DNAI3: variants seen among roughly 807,000 people sequenced by gnomAD.
The protein encoded by DNAI3 is WD repeat domain 63.
In DNAI3, 83 loss-of-function variants were observed where a neutral mutation model predicts 115.5. That is an observed-to-expected ratio of 0.72 (90% CI 0.60 to 0.86). DNAI3 has a LOEUF of 0.86. DNAI3 is among the 40% of genes least tolerant of loss of function. DNAI3 has a pLI of 0.00. For missense variants in DNAI3, 1,004 were observed against 1,075.8 expected (o/e 0.93, Z 0.93); for synonymous variants, 320 against 347.0 (o/e 0.92, Z 0.86).
At chr1:85,125,429 C>T (rs1164137718) in intron 19 of DNAI3, among the ~76,000 whole-genome samples, 1 of 151,744 alleles carries the variant, frequency 6.6e-6, no homozygotes, top group Non-Finnish European at 1.5e-5. Flanking sequence ...CTAACATATA[C>T]AAATACTCAA....
At chr1:85,084,791 G>A (rs1654750454) in intron 6 of DNAI3, 96 bp downstream of exon 6, 15 of 1,212,790 alleles carry the variant, frequency 1.2e-5, no homozygotes, top group Non-Finnish European at 1.5e-5. Context: ...GTTTGCTATG[G>A]AGGCATAGTT....
Position 85,084,654 on chromosome 1 carries a change from A to G in DNAI3, c.499A>G (p.Lys167Glu). ...SKPWVSLGSE[K>E]EIEEESVTES... ...ACCATGGGTTTCTTTGGGCAGTGAA[A>G]AAGAAATTGAGGAAGAATCAGTTAC... is the stretch of plus-strand genomic sequence containing the variant. The change falls in exon 6 of 23, where the codon AAA becomes GAA. Residue 167 changes from lysine (K) to glutamate (E), a missense_variant. Lys to Glu is a moderately conservative substitution (Grantham distance 56). This residue lies in a region of DNAI3 where 550 missense variants were observed against 568.1 expected (regional missense o/e 0.97). Coordinates refer to ENST00000294664, the MANE Select transcript of DNAI3 (RefSeq NM_145172.5). The G allele has an allele frequency of 6.4e-7, 1 of 1,557,042 alleles. No homozygotes were observed. The highest frequency in any genetic ancestry group is 1.4e-5 in the African/African-American group (1 of 72,180).
In DNAI3 at chr1:85,131,444, C is replaced by CAAAAAAAAAAAAAAAAAA. The variant is rs750127280; in HGVS notation, c.2532+1334_2532+1351dup. 1.2e-4 allele frequency among the ~76,000 whole-genome samples: 2 copies of CAAAAAAAAAAAAAAAAAA among 16,856 alleles called. 1 individual carries two copies. Among genetic ancestry groups the CAAAAAAAAAAAAAAAAAA allele is most frequent in the African/African-American group, 3.5e-4 (2 of 5,674 alleles). The allele number at this position is 16,856 out of a possible 152,430, so 11.1% of individuals were successfully genotyped here. ...GGGCAACAAGAGCGAAACTCCATCT[C>CAAAAAAAAAAAAAAAAAA]AAAAAAAAAAAAAAAAAAATAAAGC... On this transcript the variant is annotated intron_variant, in intron 22 of 22. Transcript: ENST00000294664.
At chr1:85,091,960 C>G (rs571672215) in intron 8 of DNAI3, among the ~76,000 whole-genome samples, 50 of 152,340 alleles carry the variant, frequency 3.3e-4, no homozygotes, top group Admixed American at 9.8e-4. Context: ...CTTGAGAATT[C>G]CCTTCTCATT....
intron 14 of DNAI3, among the ~76,000 whole-genome samples, chr1:85,107,343 T>C (rs1349767771): frequency 6.6e-6 from 1 of 152,300 alleles, no homozygotes; most frequent in Admixed American, 6.5e-5. Context: ...ATTTATCAAA[T>C]GTACTGATGA....
At position 85,123,994 on chromosome 1, in the gene DNAI3, C is replaced by T. The variant is rs1028260258; in HGVS notation, c.1982-127C>T. 5.1e-6 allele frequency: 6 copies of T among 1,181,512 alleles called. No homozygotes were observed. The African/African-American group carries it at 9.1e-5, about 18-fold the overall frequency. The allele number at this position is 1,181,512 out of a possible 1,614,324, so 73.2% of individuals were successfully genotyped here. On this transcript the variant is annotated intron_variant, in intron 18 of 22. Transcript: ENST00000294664. Reference sequence around the variant, plus strand: ...GACAGATCTATTCATCCCAGCTAGCCTCTGGTTCTCCACTCCCCGACCCCA... The same window carrying T: ...GACAGATCTATTCATCCCAGCTAGCTTCTGGTTCTCCACTCCCCGACCCCA...
chr1:85,094,944 G>C lies in DNAI3; in HGVS notation c.1173+389G>C, dbSNP rs541990471. Among the ~76,000 whole-genome samples the C allele has an allele frequency of 2.5e-4, 38 of 152,310 alleles. No homozygotes were observed. The South Asian group carries it at 6.4e-3, about 26-fold the overall frequency. The stretch of plus-strand genomic sequence containing the variant: ...AATGTGTGGGAGAGCACTGGGGAGT[G>C]GTAGGGACTGCGGCCTTGGAGAGTG... On this transcript the variant is annotated intron_variant, in intron 10 of 22. Transcript: ENST00000294664.
At chr1:85,085,638 T>A (rs1654778916) in intron 6 of DNAI3, among the ~76,000 whole-genome samples, 193 bp from the exon 7 acceptor site, 1 of 152,188 alleles carries the variant, frequency 6.6e-6, no homozygotes, top group East Asian at 1.9e-4. Flanking sequence ...GCTGGCAAAG[T>A]GGTCCCAATA....
chr1:85,100,666 A>G (rs1237311208), intron 13 of DNAI3, among the ~76,000 whole-genome samples: 1 of 152,190 alleles, frequency 6.6e-6, no homozygotes, highest in Non-Finnish European at 1.5e-5. Flanking sequence ...ATAAAGACAC[A>G]TGCACACGTA....
At chr1:85,121,718 A>C in intron 17 of DNAI3, 33 bp from the exon 18 acceptor site, 2 of 1,602,146 alleles carry the variant, frequency 1.2e-6, no homozygotes, top group East Asian at 4.5e-5. Context: ...TTAAGTTGTC[A>C]TTGTACTCAT....
intron 1 of DNAI3, among the ~76,000 whole-genome samples, chr1:85,068,166 G>C (rs994813283): frequency 6.6e-6 from 1 of 151,846 alleles, no homozygotes; most frequent in Admixed American, 6.6e-5. Context: ...GCTAGTTACA[G>C]GGATTACAAA....
intron 22 of DNAI3, among the ~76,000 whole-genome samples, chr1:85,131,314 C>T (rs1234939924): frequency 1.3e-5 from 2 of 152,018 alleles, no homozygotes; most frequent in South Asian, 2.1e-4. Context: ...CATGGTGGCA[C>T]ATACCTGTAA....
At chr1:85,072,042 G>T (rs760243656) in intron 2 of DNAI3, 37 bp downstream of exon 2, 4 of 1,573,874 alleles carry the variant, frequency 2.5e-6, no homozygotes. Flanking sequence ...ATTTTTTGTG[G>T]AGTATTTGTG....
chr1:85,125,403 T>G (rs1656103152), intron 19 of DNAI3, among the ~76,000 whole-genome samples: 1 of 152,010 alleles, frequency 6.6e-6, no homozygotes, highest in Non-Finnish European at 1.5e-5. Flanking sequence ...AACCTAACAG[T>G]TCCACTTCTG....
intron 13 of DNAI3, among the ~76,000 whole-genome samples, chr1:85,099,608 C>T (rs1330393374): frequency 1.3e-5 from 2 of 152,140 alleles, no homozygotes; most frequent in East Asian, 3.8e-4. Context: ...ACTTTCTTCA[C>T]AGAATTGGAA....
chr1:85,097,967 G>A (rs1246255622), intron 12 of DNAI3, among the ~76,000 whole-genome samples: 1 of 152,184 alleles, frequency 6.6e-6, no homozygotes, highest in Non-Finnish European at 1.5e-5. Flanking sequence ...AAAGAGCACT[G>A]GACAGAAGAG....
chr1:85,099,945 T>G (rs1194771665), intron 13 of DNAI3, among the ~76,000 whole-genome samples: 2 of 152,146 alleles, frequency 1.3e-5, no homozygotes, highest in African/African-American at 2.4e-5. Flanking sequence ...CTGGATCCCT[T>G]CCTTACACCT....
intron 13 of DNAI3, among the ~76,000 whole-genome samples, chr1:85,103,970 G>A (rs1172532207): frequency 6.7e-6 from 1 of 149,538 alleles, no homozygotes; most frequent in Non-Finnish European, 1.5e-5. Context: ...ATTATGTGGA[G>A]GGAAAAATCT....
At chr1:85,064,638 G>A (rs1481387503) in intron 1 of DNAI3, among the ~76,000 whole-genome samples, 2 of 152,112 alleles carry the variant, frequency 1.3e-5, no homozygotes, top group Admixed American at 6.6e-5. Context: ...GGTACCTCAC[G>A]TCTATAATTC....
Sources: gnomAD v4.1 joint callset for allele counts (sites outside exome capture counted in the v4.1 genomes callset) on GRCh38, gnomAD v4.1.1 for gene constraint, gnomAD v4.1.1 regional missense constraint, MANE v1.5 for transcripts, NCBI Gene and HGNC (gene_info 2026-07-23, HGNC 2026-07-21) for gene names.